Variants in MYH1 observed in about 807,000 individuals in gnomAD.
MYH1 encodes myosin-1.
MYH1 carries 214 observed loss-of-function variants against 225.6 expected under a neutral mutation model. The ratio of observed to expected loss-of-function variants is 0.95; its 90% CI spans 0.85 to 1.06. The LOEUF (loss-of-function observed/expected upper bound fraction) is 1.06. Among genes scored for constraint, MYH1 ranks in the 50% least tolerant of loss-of-function variants. The probability of loss-of-function intolerance (pLI) is 0.00; values close to 1 mark genes in which losing one functional copy is unlikely to be tolerated. For synonymous variants in MYH1, 774 were observed against 842.3 expected (o/e 0.92, Z 1.40); for missense variants, 2,098 against 2,344.2 (o/e 0.89, Z 2.17).
chr17:10,499,591 C>T (rs936355010), intron 28 of MYH1, among the ~76,000 whole-genome samples: 1 of 152,148 alleles, frequency 6.6e-6, no homozygotes, highest in African/African-American at 2.4e-5. Flanking sequence ...GGTCTCCCAT[C>T]CCCAGAATGA....
Position 10,497,399 on chromosome 17 carries a change from A to G in MYH1, c.4419T>C (p.Ala1473=), listed in dbSNP as rs766031687. The G allele has an allele frequency of 2.2e-5, 35 of 1,613,386 alleles. No individual in the cohort carries two copies. Among genetic ancestry groups the G allele is most frequent in the Middle Eastern group, 3.3e-4 (2 of 6,002 alleles). Reference sequence around the variant, plus strand: ...TGAGTGAGCGGGATTCCTTTTGAGAAGCTTCAAGTTCAGCATGAGTTTCTT... The same window carrying G: ...TGAGTGAGCGGGATTCCTTTTGAGAGGCTTCAAGTTCAGCATGAGTTTCTT... ...KCEETHAELE[A]SQKESRSLST... is the part of the protein sequence containing the mutation. Residue 1473 remains alanine, a synonymous_variant, in exon 32 of 40, where the codon GCT becomes GCC. Transcript: ENST00000226207.
chr17:10,502,610 G>C, intron 24 of MYH1, 128 bp downstream of exon 24: 1 of 1,358,712 alleles, frequency 7.4e-7, no homozygotes, highest in Non-Finnish European at 1.0e-6. Context: ...TAATAGGGAT[G>C]ATGTTCCATA....
chr17:10,498,114 G>C (rs1049751071), intron 30 of MYH1, among the ~76,000 whole-genome samples, 197 bp from the exon 31 acceptor site: 1 of 152,180 alleles, frequency 6.6e-6, no homozygotes, highest in Non-Finnish European at 1.5e-5. Context: ...TTTTGGTATT[G>C]CCATACTTCA....
chr17:10,492,481 A>T lies in MYH1; in HGVS notation c.5755T>A (p.Ser1919Thr), dbSNP rs949786606. 6.2e-7 allele frequency: 1 copy of T among 1,614,096 alleles called. No homozygotes were observed. The highest frequency in any genetic ancestry group is 8.5e-7 in the Non-Finnish European group (1 of 1,180,006). The change falls in exon 40 of 40, where the codon TCC becomes ACC. Residue 1919 changes from serine to threonine, a missense_variant. By Grantham distance (58) the Ser-to-Thr change is moderately conservative. Coordinates refer to ENST00000226207, the MANE Select transcript of MYH1 (RefSeq NM_005963.4). ...EAEERADIAE[S>T]QVNKLRVKSR... ...TTCACCCTCAGCTTGTTGACCTGGG[A>T]CTCAGCAATGTCAGCCCGTTCCTCG...
In MYH1 at chr17:10,505,338, A is replaced by G. The variant is rs1037212730; in HGVS notation, c.2299-39T>C. ...GAATTTCAGATCAGAAAATTTACAT[A>G]AAGTTCAAAGGGACAGGAATAGCAT... is the stretch of plus-strand genomic sequence containing the variant. On this transcript the variant is annotated intron_variant, in intron 20 of 39. Coordinates refer to ENST00000226207, the MANE Select transcript of MYH1 (RefSeq NM_005963.4). 5.0e-6 allele frequency: 8 copies of G among 1,614,198 alleles called. No homozygotes were observed. The Admixed American group carries it at 5.0e-5, about 10-fold the overall frequency.
chr17:10,502,773 T>G lies in MYH1; in HGVS notation c.3076A>C (p.Lys1026Gln), dbSNP rs1436852727. 10 of 1,614,090 alleles carry G rather than the reference T, an allele frequency of 6.2e-6. No homozygotes were observed. The highest frequency in any genetic ancestry group is 8.5e-6 in the Non-Finnish European group (10 of 1,180,032). ...AEEDKVNTLT[K>Q]AKIKLEQQVD... ...TGTTGTTCAAGTTTGATTTTAGCTT[T>G]GGTCAGGGTGTTGACTTTGTCCTCC... Residue 1026 changes from lysine to glutamine, a missense_variant, in exon 24 of 40, where the codon AAA becomes CAA. Coordinates refer to ENST00000226207, the MANE Select transcript of MYH1 (RefSeq NM_005963.4).
In MYH1 at chr17:10,503,226, G is replaced by T. The variant is rs1339454021; in HGVS notation, c.2714C>A (p.Ala905Glu). 1 of 1,614,090 alleles carries T rather than the reference G, an allele frequency of 6.2e-7. No individual in the cohort carries two copies. Among genetic ancestry groups the T allele is most frequent in the South Asian group, 1.1e-5 (1 of 91,062 alleles). The change falls in exon 23 of 40, where the codon GCA becomes GAA. Residue 905 changes from alanine (A) to glutamate (E), a missense_variant. Physicochemically the swap from Ala to Glu is moderately radical, Grantham distance 107. Transcript: ENST00000226207. ...GATTAGCTGGTCACACCTTTCCTCT[G>T]CATCAGCCAAGCTGTCAGCTTCCTG... ...VQAEADSLADAEERCDQLIKT... is the reference protein window; with the variant it reads ...VQAEADSLADEEERCDQLIKT...
chr17:10,507,794 C>T, intron 17 of MYH1, 92 bp downstream of exon 17: 2 of 1,068,778 alleles, frequency 1.9e-6, no homozygotes, highest in Admixed American at 3.7e-5. Flanking sequence ...CACATCAGTT[C>T]TAGAATCCTT....
rs376426289 is a variant in MYH1 at position 10,501,914 on chromosome 17, A to G, written c.3112-3T>C. 1.0e-5 allele frequency: 16 copies of G among 1,599,284 alleles called. No individual in the cohort carries two copies. The highest frequency in any genetic ancestry group is 1.4e-5 in the Non-Finnish European group (16 of 1,175,926). On this transcript the variant is annotated splice_region_variant and splice_polypyrimidine_tract_variant and intron_variant, in intron 24 of 39. Transcript: ENST00000226207. ...TCTTGTTCCAAAGATCCTTCAAGCTAAAAGTTAATAATCCATGAATATGGT... is the reference window on the plus strand; with the variant it reads ...TCTTGTTCCAAAGATCCTTCAAGCTGAAAGTTAATAATCCATGAATATGGT...
intron 23 of MYH1, 21 bp downstream of exon 23, chr17:10,502,985 A>T: frequency 1.2e-6 from 2 of 1,614,094 alleles, no homozygotes; most frequent in Non-Finnish European, 1.7e-6. Flanking sequence ...TCTATACAGT[A>T]CTGTAGAATA....
chr17:10,494,821 A>G, intron 37 of MYH1, 110 bp downstream of exon 37: 3 of 1,594,620 alleles, frequency 1.9e-6, no homozygotes, highest in Non-Finnish European at 2.6e-6. Flanking sequence ...GCATGAGGGA[A>G]TAGCTCTCCC....
Position 10,496,108 on chromosome 17 carries a change from G to A in MYH1, c.5011C>T (p.Leu1671=). Reference sequence around the variant, plus strand: ...TCCACCATAGCCAGCTGTTCCTTCAGGTCCTCCTGGCTCCGGAGAGCATCA... The same window carrying A: ...TCCACCATAGCCAGCTGTTCCTTCAAGTCCTCCTGGCTCCGGAGAGCATCA... ...LDDALRSQED[L]KEQLAMVERR... The change falls in exon 35 of 40, where the codon CTG becomes TTG. Residue 1671 remains leucine (L), a synonymous_variant. Coordinates refer to ENST00000226207, the MANE Select transcript of MYH1 (RefSeq NM_005963.4). 2 of 1,614,154 alleles carry A rather than the reference G, an allele frequency of 1.2e-6. No homozygotes were observed. Among genetic ancestry groups the A allele is most frequent in the Non-Finnish European group, 1.7e-6 (2 of 1,180,034 alleles).
chr17:10,515,435 A>C (rs1434205998), intron 5 of MYH1, among the ~76,000 whole-genome samples: 1 of 152,166 alleles, frequency 6.6e-6, no homozygotes, highest in Admixed American at 6.5e-5. Flanking sequence ...TAGCCCCAAA[A>C]CATCATCTTC....
Position 10,496,423 on chromosome 17 carries a change from TGTG to T in MYH1, c.4780_4782del (p.His1594del). On this transcript the variant is annotated inframe_deletion, in exon 34 of 40. Transcript: ENST00000226207. ...CTCTGCATGGACTCCACGATTCTAA[TGTG>T]GTTTCTCTTCATCTGGTCAATTTCC... The T allele has an allele frequency of 6.2e-7, 1 of 1,614,100 alleles. No homozygotes were observed. Among genetic ancestry groups the T allele is most frequent in the South Asian group, 1.1e-5 (1 of 91,076 alleles).
At position 10,512,934 on chromosome 17, in the gene MYH1, C is replaced by G. The variant is rs768887733; in HGVS notation, c.837G>C (p.Gln279His). Residue 279 changes from glutamine to histidine, a missense_variant, in exon 10 of 40, where the codon CAG (glutamine) becomes CAC (histidine). Physicochemically the swap from Gln to His is conservative, Grantham distance 24 (BLOSUM62 0). Coordinates refer to ENST00000226207, the MANE Select transcript of MYH1 (RefSeq NM_005963.4). ...TATGATAGCTTCTTTCAGCCTTTAG[C>G]TGGAAAGTAACTCTAGACTTCTCCA... ...YLLEKSRVTF[Q>H]LKAERSYHIF... is the part of the protein sequence containing the mutation. 3.7e-6 allele frequency: 6 copies of G among 1,613,682 alleles called. No individual in the cohort carries two copies. In the South Asian group the frequency reaches 5.5e-5, roughly 15 times the overall value.
At chr17:10,506,433 T>A (rs978151249) in intron 17 of MYH1, among the ~76,000 whole-genome samples, 1 of 152,128 alleles carries the variant, frequency 6.6e-6, no homozygotes, top group African/African-American at 2.4e-5. Flanking sequence ...ATGGTCTGAT[T>A]TTACTACTAA....
rs978596866 is a variant in MYH1 at position 10,494,878 on chromosome 17, A to G, written c.5466+53T>C. Reference sequence around the variant, plus strand: ...CATCTAGCAGTGCTAGGTATTCAGAATCGTGTGTTGGATTGGAATGAGATA... The same window carrying G: ...CATCTAGCAGTGCTAGGTATTCAGAGTCGTGTGTTGGATTGGAATGAGATA... On this transcript the variant is annotated intron_variant, in intron 37 of 39. Transcript: ENST00000226207. 7 of 1,613,718 alleles carry G rather than the reference A, an allele frequency of 4.3e-6. No homozygotes were observed. The African/African-American group carries it at 8.0e-5, about 18-fold the overall frequency.
chr17:10,513,856 C>T lies in MYH1; in HGVS notation c.706G>A (p.Ala236Thr), dbSNP rs778037134. Residue 236 changes from alanine to threonine, a missense_variant, in exon 8 of 40, where the codon GCC becomes ACC. Coordinates refer to ENST00000226207, the MANE Select transcript of MYH1 (RefSeq NM_005963.4). ...GAGTTGTCATTCCTCACGGTCTTGGCGTTGCCAAAGGCCTCCAGTAGGGGG... is the reference window on the plus strand; with the variant it reads ...GAGTTGTCATTCCTCACGGTCTTGGTGTTGCCAAAGGCCTCCAGTAGGGGG... Reference protein sequence around the residue: ...ANPLLEAFGNAKTVRNDNSSR... With the variant: ...ANPLLEAFGNTKTVRNDNSSR... The T allele has an allele frequency of 3.1e-6, 5 of 1,614,034 alleles. No homozygotes were observed. The highest frequency in any genetic ancestry group is 2.2e-5 in the East Asian group (1 of 44,880).
chr17:10,497,592 C>T (rs1191446130), intron 31 of MYH1, 140 bp from the exon 32 acceptor site: 1 of 1,482,614 alleles, frequency 6.7e-7, no homozygotes, highest in Non-Finnish European at 9.1e-7. Context: ...ACCATAGGAG[C>T]ACTTCCCCTC....
Sources: gnomAD v4.1 joint callset for allele counts (sites outside exome capture counted in the v4.1 genomes callset) on GRCh38, gnomAD v4.1.1 for gene constraint, MANE v1.5 for transcripts, NCBI Gene and HGNC (gene_info 2026-07-23, HGNC 2026-07-21) for gene names.